Variants in LGR4 observed in about 807,000 individuals in gnomAD.
LGR4 encodes leucine rich repeat containing G protein-coupled receptor 4, also known as leucine-rich repeat-containing G protein-coupled receptor 4.
A neutral mutation model predicts 84.8 loss-of-function variants in LGR4; 44 were observed. That is an observed-to-expected ratio of 0.52 (90% confidence interval 0.41 to 0.67). LGR4 has a LOEUF of 0.67. Ranked by LOEUF, LGR4 falls within the 30% of genes least tolerant of loss-of-function variation. The pLI, the probability that LGR4 is intolerant of heterozygous loss-of-function variation, is 0.00. For synonymous variants in LGR4, 429 were observed against 434.3 expected, an observed-to-expected ratio of 0.99 and a Z score of 0.15; for missense variants, 1,032 against 1,131.4, an observed-to-expected ratio of 0.91 and a Z score of 1.26.
intron 1 of LGR4, among the ~76,000 whole-genome samples, chr11:27,432,545 A>C (rs77854387): frequency 0.024 from 3,587 of 152,288 alleles, 133 homozygotes; most frequent in African/African-American, 0.082. Flanking sequence ...GAGAAAAGAA[A>C]TCATGGAAGA....
At position 27,367,797 on chromosome 11, in the gene LGR4, G is replaced by T; in HGVS notation, c.*70C>A. 1 of 1,142,728 alleles carries T rather than the reference G, an allele frequency of 8.8e-7. No individual in the cohort carries two copies. Among genetic ancestry groups the T allele is most frequent in the Non-Finnish European group, 1.2e-6 (1 of 804,288 alleles). The allele number at this position is 1,142,728 out of a possible 1,614,324, so 70.8% of individuals were successfully genotyped here. On this transcript the variant is annotated 3_prime_UTR_variant, in exon 18 of 18. Transcript: ENST00000379214. ...TTACAGAAGTGCTTCCCAGATGAAAGATGAGAATAGGGTTCACTCTATAAA... is the reference window on the plus strand; with the variant it reads ...TTACAGAAGTGCTTCCCAGATGAAATATGAGAATAGGGTTCACTCTATAAA...
At chr11:27,470,141 A>G (rs1488901440) in intron 1 of LGR4, among the ~76,000 whole-genome samples, 1 of 152,226 alleles carries the variant, frequency 6.6e-6, no homozygotes, top group African/African-American at 2.4e-5. Context: ...AAGCTCAGAA[A>G]GTGCTAAGAT....
Position 27,377,289 on chromosome 11 carries a change from C to T in LGR4, c.1044-66G>A, listed in dbSNP as rs1863003230. ...AGAGTATTATATTAAAAGAGTGGTA[C>T]TCAGAAGCGTTGAAAGCAGAGCTAA... On this transcript the variant is annotated intron_variant, in intron 11 of 17. Transcript: ENST00000379214. 6.0e-6 allele frequency: 5 copies of T among 827,282 alleles called. No individual in the cohort carries two copies. In the South Asian group the frequency reaches 6.8e-5, roughly 11 times the overall value. The allele number at this position is 827,282 out of a possible 1,614,324, so 51.2% of individuals were successfully genotyped here.
Position 27,472,452 on chromosome 11 carries a change from G to A in LGR4, c.-150C>T. ...CCGCGCGGGCTCGGCCCCTTCAGCA[G>A]TCCGCCGCAGCGGCGCAGGGACGCG... On this transcript the variant is annotated 5_prime_UTR_variant, in exon 1 of 18. Coordinates refer to ENST00000379214, the MANE Select transcript of LGR4 (RefSeq NM_018490.5). The A allele has an allele frequency of 4.2e-6, 2 of 476,132 alleles. No individual in the cohort carries two copies. The highest frequency in any genetic ancestry group is 6.6e-6 in the Non-Finnish European group (2 of 301,474). 29.5% of individuals were successfully genotyped at this position (476,132 alleles called of 1,614,324 possible). A position where few individuals can be genotyped will look rare whatever the true frequency, so the allele number is the denominator to read the frequency against.
intron 1 of LGR4, among the ~76,000 whole-genome samples, chr11:27,436,347 G>GAGAGAGAA (rs1554969485): frequency 1.2e-4 from 16 of 134,718 alleles, no homozygotes; most frequent in Non-Finnish European, 1.7e-4. Flanking sequence ...GAGAGAGAGA[G>GAGAGAGAA]AGAAAGAAAG....
rs1565066338 is a variant in LGR4 at position 27,367,431 on chromosome 11, AG to A, written c.*435del. ...CCTGCAGTAAGTTGTCCTGAGATTA[AG>A]GATGAAACATTAGGTAAAATTAGCA... is the stretch of plus-strand genomic sequence containing the variant. On this transcript the variant is annotated 3_prime_UTR_variant, in exon 18 of 18. Transcript: ENST00000379214. 1 of 154,374 alleles carries A rather than the reference AG, an allele frequency of 6.5e-6. No homozygotes were observed. Among genetic ancestry groups the A allele is most frequent in the Non-Finnish European group, 1.4e-5 (1 of 69,272 alleles). The allele number at this position is 154,374 out of a possible 1,614,324, so 9.6% of individuals were successfully genotyped here. A position where few individuals can be genotyped will look rare whatever the true frequency, so the allele number is the denominator to read the frequency against.
At chr11:27,459,412 C>A (rs1039553350) in intron 1 of LGR4, among the ~76,000 whole-genome samples, 2 of 151,802 alleles carry the variant, frequency 1.3e-5, no homozygotes, top group Non-Finnish European at 2.9e-5. Flanking sequence ...GATGTCACAG[C>A]GGGGGGTTTT....
At chr11:27,402,692 G>T (rs1377871170) in intron 2 of LGR4, among the ~76,000 whole-genome samples, 1 of 152,142 alleles carries the variant, frequency 6.6e-6, no homozygotes, top group Non-Finnish European at 1.5e-5. Flanking sequence ...CTGCCGTTTG[G>T]CCATGTGACT....
At chr11:27,468,464 C>T (rs1359570035) in intron 1 of LGR4, among the ~76,000 whole-genome samples, 1 of 152,184 alleles carries the variant, frequency 6.6e-6, no homozygotes, top group Non-Finnish European at 1.5e-5. Context: ...CTAACACACA[C>T]TTCTAAACAC....
At chr11:27,421,220 T>G (rs1200306054) in intron 1 of LGR4, among the ~76,000 whole-genome samples, 1 of 152,160 alleles carries the variant, frequency 6.6e-6, no homozygotes, top group Non-Finnish European at 1.5e-5. Flanking sequence ...CTAAGGCCCT[T>G]TCTAAATCTA....
chr11:27,389,751 G>A (rs2219783), intron 4 of LGR4, among the ~76,000 whole-genome samples: 126,970 of 152,102 alleles, frequency 0.83, 54,068 homozygotes, highest in South Asian at 0.96. Context: ...GTCCAAGAGA[G>A]GTCAGATGAC....
chr11:27,375,274 G>A (rs1378012017), intron 13 of LGR4, among the ~76,000 whole-genome samples: 6 of 137,456 alleles, frequency 4.4e-5, no homozygotes, highest in African/African-American at 1.1e-4. Context: ...TAGCCTGAGC[G>A]ACAAGAGTGA....
intron 1 of LGR4, among the ~76,000 whole-genome samples, chr11:27,434,916 T>C (rs1306022695): frequency 6.6e-6 from 1 of 152,132 alleles, no homozygotes; most frequent in East Asian, 1.9e-4. Context: ...TTAAAGTGAC[T>C]AATAATAGAG....
rs1376065791 is a variant in LGR4 at position 27,376,343 on chromosome 11, T to G, written c.1137A>C (p.Gln379His). Residue 379 changes from glutamine (Q) to histidine (H), a missense_variant, in exon 13 of 18, where the codon CAA becomes CAC. Gln to His is a conservative substitution (Grantham distance 24, BLOSUM62 0). Transcript: ENST00000379214. ...EISLQRNQIY[Q>H]IKEGTFQGLI... is the part of the protein sequence containing the mutation. ...GGCCTTGAAAGGTGCCTTCCTTTAT[T>G]TGGTAGATTTGATTACGCTGTAAAG... 1 of 1,573,694 alleles carries G rather than the reference T, an allele frequency of 6.4e-7. No homozygotes were observed. The highest frequency in any genetic ancestry group is 1.4e-5 in the African/African-American group (1 of 73,374).
chr11:27,368,361 TCAGAGTAA>T lies in LGR4; in HGVS notation c.2354_2361del (p.Val785AspfsTer22), dbSNP rs753913487. On this transcript the variant is annotated frameshift_variant, in exon 18 of 18. Coordinates refer to ENST00000379214, the MANE Select transcript of LGR4 (RefSeq NM_018490.5). LOFTEE classifies it high-confidence loss of function. The stretch of plus-strand genomic sequence containing the variant: ...AGGCAAGCAGGCAATGGAAAAAATA[TCAGAGTAA>T]CAGACTTCATTATTTCGGGGCTGAT... The T allele has an allele frequency of 2.7e-5, 44 of 1,614,120 alleles. No individual in the cohort carries two copies. Among genetic ancestry groups the T allele is most frequent in the Non-Finnish European group, 3.6e-5 (42 of 1,180,018 alleles).
At chr11:27,389,942 T>C (rs977315715) in intron 4 of LGR4, among the ~76,000 whole-genome samples, 57 of 152,188 alleles carry the variant, frequency 3.7e-4, no homozygotes, top group African/African-American at 1.4e-3. Flanking sequence ...AGGAAGCTAC[T>C]TAATACAACC....
At chr11:27,394,733 G>T (rs1341434280) in intron 2 of LGR4, among the ~76,000 whole-genome samples, 1 of 152,074 alleles carries the variant, frequency 6.6e-6, no homozygotes, top group Non-Finnish European at 1.5e-5. Context: ...CAACTGCAAT[G>T]CTGCTCCTCT....
chr11:27,381,714 A>G (rs935736020), intron 7 of LGR4, among the ~76,000 whole-genome samples: 1 of 152,072 alleles, frequency 6.6e-6, no homozygotes, highest in African/African-American at 2.4e-5. Context: ...ATCAAAAAAA[A>G]AAATAAAAAC....
chr11:27,445,452 C>A (rs946916833), intron 1 of LGR4, among the ~76,000 whole-genome samples: 1 of 152,102 alleles, frequency 6.6e-6, no homozygotes, highest in African/African-American at 2.4e-5. Flanking sequence ...GCTGTTATGA[C>A]GATCAAGTAA....
Sources: gnomAD v4.1 joint callset for allele counts (sites outside exome capture counted in the v4.1 genomes callset) on GRCh38, gnomAD v4.1.1 for gene constraint, MANE v1.5 for transcripts, NCBI Gene and HGNC (gene_info 2026-07-23, HGNC 2026-07-21) for gene names.